DOCK3: variants seen among roughly 807,000 people sequenced by gnomAD.
DOCK3 encodes the protein dedicator of cytokinesis 3.
DOCK3 carries 60 observed loss-of-function variants against 265.6 expected under a neutral mutation model. The observed-to-expected ratio is 0.23, with a 90% CI of 0.18 to 0.28. The LOEUF is 0.28. Among genes scored for constraint, DOCK3 ranks in the 10% least tolerant of loss-of-function variants. The probability of loss-of-function intolerance (pLI) is 1.00; values close to 1 mark genes in which losing one functional copy is unlikely to be tolerated. For synonymous variants in DOCK3, 881 were observed against 938.0 expected (o/e 0.94, Z 1.11); for missense variants, 1,981 against 2,594.3 (o/e 0.76, Z 5.14).
At position 51,064,496 on chromosome 3, in the gene DOCK3, C is replaced by T; in HGVS notation, c.364C>T (p.Leu122Phe). 1 of 1,613,954 alleles carries T rather than the reference C, an allele frequency of 6.2e-7. No homozygotes were observed. The highest frequency in any genetic ancestry group is 8.5e-7 in the Non-Finnish European group (1 of 1,179,868). Residue 122 changes from leucine (L) to phenylalanine (F), a missense_variant, in exon 6 of 53, where the codon CTT (leucine) becomes TTT (phenylalanine). Coordinates refer to ENST00000266037, the MANE Select transcript of DOCK3 (RefSeq NM_004947.5). ...FYKLRHVMNE[L>F]IDLRRQLLSG... ...CAAACTACGCCATGTGATGAATGAA[C>T]TTATTGACCTGCGAAGGCAGCTACT...
chr3:51,099,934 C>A (rs957098400), intron 9 of DOCK3, among the ~76,000 whole-genome samples: 1 of 152,164 alleles, frequency 6.6e-6, no homozygotes, highest in Non-Finnish European at 1.5e-5. Flanking sequence ...TTGTCCCATC[C>A]TCTCATCCTT....
intron 1 of DOCK3, among the ~76,000 whole-genome samples, chr3:50,741,817 A>G (rs1212562305): frequency 6.6e-6 from 1 of 152,104 alleles, no homozygotes; most frequent in East Asian, 1.9e-4. Flanking sequence ...GTCAAATGGT[A>G]TTTCTAGTTC....
At chr3:51,132,615 G>A (rs978040080) in intron 9 of DOCK3, among the ~76,000 whole-genome samples, 10 of 152,114 alleles carry the variant, frequency 6.6e-5, no homozygotes, top group African/African-American at 2.2e-4. Flanking sequence ...ACTTAGGAGC[G>A]ACCAACCAGC....
At chr3:51,355,061 G>A (rs762394955) in intron 41 of DOCK3, 38 bp downstream of exon 41, 3 of 1,598,532 alleles carry the variant, frequency 1.9e-6, no homozygotes, top group Non-Finnish European at 2.6e-6. Context: ...GAGGGCAGGG[G>A]CCCTGGGAGG....
At chr3:51,258,605 G>T (rs529705964) in intron 22 of DOCK3, among the ~76,000 whole-genome samples, 1 of 152,006 alleles carries the variant, frequency 6.6e-6, no homozygotes, top group Non-Finnish European at 1.5e-5. Flanking sequence ...CTGGGTTCAC[G>T]CCATTCTCGT....
At chr3:51,317,497 T>G (rs574560113) in intron 32 of DOCK3, among the ~76,000 whole-genome samples, 85 of 150,642 alleles carry the variant, frequency 5.6e-4, no homozygotes, top group Non-Finnish European at 8.7e-4. Context: ...GGGGAATCAC[T>G]TGAACCCGGG....
chr3:51,108,064 AG>A, intron 9 of DOCK3, among the ~76,000 whole-genome samples: 2 of 150,348 alleles, frequency 1.3e-5, no homozygotes. Flanking sequence ...TTTGAGACAG[AG>A]TCTTGCTGTG....
intron 3 of DOCK3, among the ~76,000 whole-genome samples, chr3:50,863,887 A>G (rs1006114240): frequency 4.6e-5 from 7 of 152,348 alleles, no homozygotes; most frequent in Middle Eastern, 3.4e-3. Context: ...GTGATTTCAC[A>G]TCTTGGCTAT....
At position 51,348,959 on chromosome 3, in the gene DOCK3, CA is replaced by C. The variant is rs1259293441; in HGVS notation, c.4002+22del. On this transcript the variant is annotated intron_variant, in intron 39 of 52. Coordinates refer to ENST00000266037, the MANE Select transcript of DOCK3 (RefSeq NM_004947.5). ...TTCGGGTGAGCTGTGCCCCTCCCCC[CA>C]CCCCAGCCCTGACTGGCATCAGTTT... 5.0e-6 allele frequency: 6 copies of C among 1,189,924 alleles called. No homozygotes were observed. In the East Asian group the frequency reaches 2.1e-4, roughly 41 times the overall value. 73.7% of individuals were successfully genotyped at this position (1,189,924 alleles called of 1,614,324 possible). A position where few individuals can be genotyped will look rare whatever the true frequency, so the allele number is the denominator to read the frequency against.
chr3:51,305,762 T>TGTG lies in DOCK3; in HGVS notation c.2923-4470_2923-4469insGTG, dbSNP rs1384632654. 8.5e-5 allele frequency among the ~76,000 whole-genome samples: 6 copies of TGTG among 70,336 alleles called. No homozygotes were observed. The South Asian group carries it at 1.9e-3, about 22-fold the overall frequency. The allele number at this position is 70,336 out of a possible 152,430, so 46.1% of individuals were successfully genotyped here. ...TGTGTGTGTGTGTGTGTGTGTGTGT[T>TGTG]TTTATTATAGGGCAGGTCTACAAAT... On this transcript the variant is annotated intron_variant, in intron 27 of 52. Coordinates refer to ENST00000266037, the MANE Select transcript of DOCK3 (RefSeq NM_004947.5).
At chr3:51,326,212 G>T (rs1440433237) in intron 32 of DOCK3, among the ~76,000 whole-genome samples, 1 of 151,762 alleles carries the variant, frequency 6.6e-6, no homozygotes, top group Admixed American at 6.6e-5. Context: ...GTATTCCATT[G>T]TATGGCTGGA....
chr3:51,104,297 T>A (rs565887746), intron 9 of DOCK3, among the ~76,000 whole-genome samples: 8 of 152,246 alleles, frequency 5.3e-5, no homozygotes, highest in African/African-American at 1.9e-4. Flanking sequence ...GAGAAACAAA[T>A]GTCTGGCCTT....
At chr3:51,173,781 A>G (rs1447298863) in intron 12 of DOCK3, among the ~76,000 whole-genome samples, 2 of 152,154 alleles carry the variant, frequency 1.3e-5, no homozygotes, top group Admixed American at 6.5e-5. Context: ...TGACAAGATC[A>G]TATTCTTTGG....
intron 12 of DOCK3, among the ~76,000 whole-genome samples, chr3:51,191,982 A>G (rs1277572185): frequency 6.7e-6 from 1 of 150,002 alleles, no homozygotes; most frequent in Non-Finnish European, 1.5e-5. Flanking sequence ...CTGTTTACTC[A>G]GGTTTGCTTC....
At chr3:51,272,087 G>C (rs555683388) in intron 24 of DOCK3, among the ~76,000 whole-genome samples, 4 of 152,178 alleles carry the variant, frequency 2.6e-5, no homozygotes, top group Non-Finnish European at 5.9e-5. Flanking sequence ...CACATCATAT[G>C]TGATCAAGTT....
At chr3:51,195,094 G>A (rs1334495212) in intron 12 of DOCK3, among the ~76,000 whole-genome samples, 2 of 151,926 alleles carry the variant, frequency 1.3e-5, no homozygotes, top group Non-Finnish European at 2.9e-5. Flanking sequence ...CAAAATGCTG[G>A]GATTACAGGC....
intron 27 of DOCK3, among the ~76,000 whole-genome samples, chr3:51,286,096 A>G (rs1238372097): frequency 6.6e-6 from 1 of 152,228 alleles, no homozygotes; most frequent in South Asian, 2.1e-4. Context: ...AAGTTCCTAG[A>G]TCTGATAAAC....
intron 5 of DOCK3, among the ~76,000 whole-genome samples, chr3:50,961,849 T>G (rs1415517138): frequency 6.6e-6 from 1 of 152,210 alleles, no homozygotes; most frequent in East Asian, 1.9e-4. Context: ...ATGGTATGTA[T>G]GAAATGGCTT....
chr3:50,973,289 TC>T (rs1361784168), intron 5 of DOCK3, among the ~76,000 whole-genome samples: 10 of 116,414 alleles, frequency 8.6e-5, no homozygotes, highest in African/African-American at 3.7e-4. Flanking sequence ...CCCTCCCCCC[TC>T]CCCCCACCCC....
Sources: allele counts gnomAD v4.1 joint callset (sites outside exome capture counted in the v4.1 genomes callset), GRCh38; gene constraint gnomAD v4.1.1; transcripts MANE v1.5; gene names NCBI Gene and HGNC (gene_info 2026-07-23, HGNC 2026-07-21).